The following AKAP10 variants were observed in gnomAD, a reference collection of about 807,000 sequenced individuals.
AKAP10 encodes the protein A-kinase anchor protein 10, mitochondrial.
In AKAP10, 24 loss-of-function variants were observed where a neutral mutation model predicts 80.8. The ratio of observed to expected loss-of-function variants is 0.30; its 90% CI spans 0.22 to 0.42. The LOEUF (loss-of-function observed/expected upper bound fraction) is 0.42. Among genes scored for constraint, AKAP10 ranks in the 10% least tolerant of loss-of-function variants. The pLI, the probability that AKAP10 is intolerant of heterozygous loss-of-function variation, is 1.00. For missense variants in AKAP10, 661 were observed against 794.9 expected (o/e 0.83, Z 2.03); for synonymous variants, 291 against 277.7 (o/e 1.05, Z -0.48).
chr17:19,959,179 A>AT (rs2043319917), intron 3 of AKAP10, among the ~76,000 whole-genome samples: 1 of 152,176 alleles, frequency 6.6e-6, no homozygotes, highest in Admixed American at 6.5e-5. Flanking sequence ...TTAAGAAAAA[A>AT]AACTTATGAT....
At chr17:19,974,457 G>C (rs969719061) in intron 1 of AKAP10, among the ~76,000 whole-genome samples, 2 of 152,178 alleles carry the variant, frequency 1.3e-5, no homozygotes, top group African/African-American at 4.8e-5. Context: ...TGTGGCTCAA[G>C]ACAATTCTTC....
At chr17:19,924,559 A>C (rs921775970) in intron 10 of AKAP10, 42 bp from the exon 11 acceptor site, 1 of 1,320,246 alleles carries the variant, frequency 7.6e-7, no homozygotes, top group African/African-American at 1.5e-5. Flanking sequence ...TGAAACAATC[A>C]GTCCTGGGCT....
intron 5 of AKAP10, among the ~76,000 whole-genome samples, chr17:19,946,259 A>G (rs868518841): frequency 4.2e-5 from 1 of 23,932 alleles, no homozygotes; most frequent in African/African-American, 1.8e-4. Context: ...ATATATATAT[A>G]TATATATATA....
intron 12 of AKAP10, among the ~76,000 whole-genome samples, chr17:19,911,487 C>T (rs1443554255): frequency 6.6e-6 from 1 of 152,084 alleles, no homozygotes; most frequent in African/African-American, 2.4e-5. Context: ...CAGTCTCTCC[C>T]ACCTCCAATT....
At chr17:19,972,693 G>C (rs2043513934) in intron 1 of AKAP10, among the ~76,000 whole-genome samples, 1 of 152,164 alleles carries the variant, frequency 6.6e-6, no homozygotes, top group Admixed American at 6.6e-5. Flanking sequence ...CTGACCTGGT[G>C]ATCTGCTCAC....
chr17:19,913,648 C>T (rs1289579154), intron 12 of AKAP10, among the ~76,000 whole-genome samples: 1 of 152,174 alleles, frequency 6.6e-6, no homozygotes, highest in East Asian at 1.9e-4. Flanking sequence ...CTAAGAATTG[C>T]ATTAGCTTGA....
rs552923402 is a variant in AKAP10 at position 19,951,325 on chromosome 17, G to A, written c.878-3820C>T. ...CTGCCCCGTCTGGGAGGTGGGGGGC[G>A]CCTCTGCCCGGCTGCCCCATCTGGG... On this transcript the variant is annotated intron_variant, in intron 4 of 14. Transcript: ENST00000225737. Among the ~76,000 whole-genome samples, 394 of 149,162 alleles carry A rather than the reference G, an allele frequency of 2.6e-3. 1 individual carries two copies. The highest frequency in any genetic ancestry group is 9.2e-3 in the African/African-American group (371 of 40,352).
intron 9 of AKAP10, 191 bp downstream of exon 9, chr17:19,936,095 A>C: frequency 2.0e-6 from 1 of 490,228 alleles, no homozygotes; most frequent in Non-Finnish European, 3.5e-6. Context: ...CACGCAGTCC[A>C]CTGTTGACTA....
intron 10 of AKAP10, chr17:19,929,733 C>T (rs2042912240): frequency 6.6e-6 from 1 of 152,198 alleles, no homozygotes; most frequent in Admixed American, 6.6e-5. Context: ...AATCCCAGCA[C>T]TTTGGGAGGC....
intron 5 of AKAP10, among the ~76,000 whole-genome samples, chr17:19,945,428 G>A (rs1243045569): frequency 6.6e-6 from 1 of 152,146 alleles, no homozygotes; most frequent in Non-Finnish European, 1.5e-5. Context: ...CTGGTCTAGG[G>A]ATGATGATAG....
At chr17:19,924,309 T>C in intron 11 of AKAP10, 99 bp downstream of exon 11, 1 of 833,898 alleles carries the variant, frequency 1.2e-6, no homozygotes. Flanking sequence ...TCTGGGCATA[T>C]AATAATAGAT....
intron 2 of AKAP10, among the ~76,000 whole-genome samples, chr17:19,965,104 A>C (rs2043400791): frequency 6.6e-6 from 1 of 152,186 alleles, no homozygotes; most frequent in African/African-American, 2.4e-5. Flanking sequence ...ATTCCCACCC[A>C]CATTGACTTT....
chr17:19,954,887 A>C (rs1196954263), intron 4 of AKAP10, among the ~76,000 whole-genome samples: 2 of 152,044 alleles, frequency 1.3e-5, no homozygotes, highest in Non-Finnish European at 2.9e-5. Context: ...GGCACAATCC[A>C]TACAAGAAAA....
At position 19,947,239 on chromosome 17, in the gene AKAP10, C is replaced by G. The variant is rs551649202; in HGVS notation, c.976+168G>C. ...CCTCGCACCGAATGCAGCCGAGAAACTTTTAAAGTGAGCTATAATCCGATA... is the reference window on the plus strand; with the variant it reads ...CCTCGCACCGAATGCAGCCGAGAAAGTTTTAAAGTGAGCTATAATCCGATA... On this transcript the variant is annotated intron_variant, in intron 5 of 14. Coordinates refer to ENST00000225737, the MANE Select transcript of AKAP10 (RefSeq NM_007202.4). The G allele has an allele frequency of 1.1e-4, 70 of 611,990 alleles. No homozygotes were observed. In the South Asian group the frequency reaches 1.4e-3, roughly 12 times the overall value. 37.9% of individuals were successfully genotyped at this position (611,990 alleles called of 1,614,324 possible).
At chr17:19,956,915 A>G (rs1321303615) in intron 4 of AKAP10, among the ~76,000 whole-genome samples, 1 of 151,700 alleles carries the variant, frequency 6.6e-6, no homozygotes, top group Non-Finnish European at 1.5e-5. Flanking sequence ...GGTTGAGGGA[A>G]GGAAGGAGGG....
chr17:19,936,625 C>T (rs1168087787), intron 8 of AKAP10, among the ~76,000 whole-genome samples, 195 bp from the exon 9 acceptor site: 1 of 152,166 alleles, frequency 6.6e-6, no homozygotes, highest in African/African-American at 2.4e-5. Flanking sequence ...GGTCAACTTG[C>T]TACCTTTCTA....
At chr17:19,907,325 T>G (rs1567748553) in intron 14 of AKAP10, among the ~76,000 whole-genome samples, 1 of 152,142 alleles carries the variant, frequency 6.6e-6, no homozygotes, top group Non-Finnish European at 1.5e-5. Flanking sequence ...GGCCCCCATT[T>G]CTGGTATTTT....
At chr17:19,963,076 C>T in intron 2 of AKAP10, 54 bp from the exon 3 acceptor site, 1 of 1,459,660 alleles carries the variant, frequency 6.9e-7, no homozygotes. Context: ...TAGCCTAAAA[C>T]TCTCATAAAG....
intron 2 of AKAP10, among the ~76,000 whole-genome samples, chr17:19,967,085 T>C (rs1324396508): frequency 6.6e-6 from 1 of 152,020 alleles, no homozygotes; most frequent in Non-Finnish European, 1.5e-5. Context: ...CAATACAACA[T>C]AAAAACATTT....
Sources: allele counts gnomAD v4.1 joint callset (sites outside exome capture counted in the v4.1 genomes callset), GRCh38; gene constraint gnomAD v4.1.1; transcripts MANE v1.5; gene names NCBI Gene and HGNC (gene_info 2026-07-23, HGNC 2026-07-21).